LRRC4C: variants seen among roughly 807,000 people sequenced by gnomAD.
LRRC4C encodes the protein leucine-rich repeat-containing protein 4C.
Under a neutral mutation model 33.6 loss-of-function variants are expected in LRRC4C, and 5 were observed. That is an observed-to-expected ratio of 0.15 (90% CI 0.08 to 0.31). The LOEUF (loss-of-function observed/expected upper bound fraction) is 0.31, where lower values mean the gene tolerates loss of function less well. Among genes scored for constraint, LRRC4C ranks in the 10% least tolerant of loss-of-function variants. The pLI is 1.00. For synonymous variants in LRRC4C, 329 were observed against 302.0 expected (o/e 1.09, Z -0.93); for missense variants, 560 against 796.7 (o/e 0.70, Z 3.58).
intron 1 of LRRC4C, among the ~76,000 whole-genome samples, chr11:40,971,750 C>T (rs1851742852): frequency 6.6e-6 from 1 of 152,124 alleles, no homozygotes; most frequent in African/African-American, 2.4e-5. Flanking sequence ...TGAGAGCAGC[C>T]ATGAAGTTTA....
intron 5 of LRRC4C, among the ~76,000 whole-genome samples, chr11:40,222,023 C>T (rs1864457711): frequency 1.3e-5 from 2 of 152,100 alleles, no homozygotes; most frequent in Non-Finnish European, 2.9e-5. Context: ...ATACTAGATT[C>T]TGTATATACA....
chr11:41,084,657 T>C (rs1367542196), intron 1 of LRRC4C, among the ~76,000 whole-genome samples: 1 of 152,134 alleles, frequency 6.6e-6, no homozygotes, highest in Admixed American at 6.5e-5. Context: ...GAGACCAGCC[T>C]GGCCAACATG....
intron 3 of LRRC4C, among the ~76,000 whole-genome samples, chr11:40,331,989 A>G (rs1253066434): frequency 6.6e-6 from 1 of 152,198 alleles, no homozygotes; most frequent in Non-Finnish European, 1.5e-5. Flanking sequence ...TACAGGTAAG[A>G]TTAGCAGCAT....
intron 1 of LRRC4C, among the ~76,000 whole-genome samples, chr11:41,237,600 A>T (rs770287011): frequency 6.6e-6 from 1 of 152,156 alleles, no homozygotes. Context: ...CAACTGCCAC[A>T]TGACACATGT....
intron 2 of LRRC4C, among the ~76,000 whole-genome samples, chr11:40,833,854 A>C (rs1952534586): frequency 6.6e-6 from 1 of 152,184 alleles, no homozygotes; most frequent in Non-Finnish European, 1.5e-5. Context: ...AAAAACTGAG[A>C]ACCGGCTGTT....
At chr11:40,535,459 T>G (rs1199918932) in intron 3 of LRRC4C, among the ~76,000 whole-genome samples, 2 of 152,192 alleles carry the variant, frequency 1.3e-5, no homozygotes, top group Non-Finnish European at 2.9e-5. Flanking sequence ...TTCAACAAAG[T>G]GATGGCAGTA....
intron 5 of LRRC4C, among the ~76,000 whole-genome samples, chr11:40,198,249 A>G (rs1210897079): frequency 1.3e-5 from 2 of 152,214 alleles, no homozygotes; most frequent in Non-Finnish European, 2.9e-5. Context: ...ACACACACCC[A>G]TGTACTACAA....
At chr11:41,415,406 G>C (rs16935688) in intron 1 of LRRC4C, among the ~76,000 whole-genome samples, 11,999 of 152,184 alleles carry the variant, frequency 0.079, 1,560 homozygotes, top group African/African-American at 0.27. Context: ...GCAAAGCGGT[G>C]TAGTGTTTTG....
At chr11:40,654,487 T>C (rs539128275) in intron 2 of LRRC4C, among the ~76,000 whole-genome samples, 2 of 152,330 alleles carry the variant, frequency 1.3e-5, no homozygotes, top group Admixed American at 1.3e-4. Context: ...GATTTTGGAC[T>C]TGCATGGGAC....
At chr11:41,192,274 CTTCTT>C (rs1424033425) in intron 1 of LRRC4C, among the ~76,000 whole-genome samples, 1 of 151,930 alleles carries the variant, frequency 6.6e-6, no homozygotes, top group South Asian at 2.1e-4. Flanking sequence ...ATCTTTTTCA[CTTCTT>C]TTGTCAGAAC....
intron 3 of LRRC4C, among the ~76,000 whole-genome samples, chr11:40,608,993 C>T (rs550797322): frequency 6.6e-6 from 1 of 152,136 alleles, no homozygotes; most frequent in Admixed American, 6.6e-5. Context: ...ACTTCAATAT[C>T]CCGCTTTCAG....
intron 3 of LRRC4C, among the ~76,000 whole-genome samples, chr11:40,555,650 T>TGG (rs1957305223): frequency 6.6e-6 from 1 of 152,152 alleles, no homozygotes; most frequent in Admixed American, 6.6e-5. Context: ...AGAATTGTTT[T>TGG]GGACCACACA....
intron 5 of LRRC4C, among the ~76,000 whole-genome samples, chr11:40,176,464 T>C (rs969617434): frequency 2.6e-5 from 4 of 151,860 alleles, no homozygotes; most frequent in Admixed American, 6.6e-5. Flanking sequence ...GAGCCATGCA[T>C]GATATTAAAG....
At chr11:40,879,281 G>A (rs1955055045) in intron 2 of LRRC4C, among the ~76,000 whole-genome samples, 1 of 152,142 alleles carries the variant, frequency 6.6e-6, no homozygotes, top group Admixed American at 6.6e-5. Context: ...ATCACTTGTT[G>A]GAGTGAACCT....
chr11:41,240,625 C>G (rs1025197328), intron 1 of LRRC4C, among the ~76,000 whole-genome samples: 1 of 152,098 alleles, frequency 6.6e-6, no homozygotes. Context: ...CCTAAGCCAC[C>G]GTTTTGCATA....
At chr11:40,800,580 G>C (rs1180308508) in intron 2 of LRRC4C, among the ~76,000 whole-genome samples, 1 of 152,048 alleles carries the variant, frequency 6.6e-6, no homozygotes, top group Non-Finnish European at 1.5e-5. Context: ...TATAAATTAG[G>C]CAAAATTAGG....
chr11:40,943,002 G>A (rs968776515), intron 1 of LRRC4C, among the ~76,000 whole-genome samples: 2 of 152,186 alleles, frequency 1.3e-5, no homozygotes, highest in Non-Finnish European at 2.9e-5. Context: ...CAGCTCAGGT[G>A]TTGAAAGCAG....
chr11:41,410,871 A>G (rs1409601856), intron 1 of LRRC4C, among the ~76,000 whole-genome samples: 1 of 152,052 alleles, frequency 6.6e-6, no homozygotes, highest in African/African-American at 2.4e-5. Context: ...GACAATAATC[A>G]CCTAAAATCC....
chr11:41,208,890 A>G (rs899231974), intron 1 of LRRC4C, among the ~76,000 whole-genome samples: 1 of 152,092 alleles, frequency 6.6e-6, no homozygotes, highest in African/African-American at 2.4e-5. Flanking sequence ...GGGGTAGGGC[A>G]CCCCACAGAA....
Sources: allele counts gnomAD v4.1 joint callset (sites outside exome capture counted in the v4.1 genomes callset), GRCh38; gene constraint gnomAD v4.1.1; transcripts MANE v1.5; gene names NCBI Gene and HGNC (gene_info 2026-07-23, HGNC 2026-07-21).